LYPD1: variants seen among roughly 807,000 people sequenced by gnomAD.
LYPD1 encodes the protein LY6/PLAUR domain containing 1.
Under a neutral mutation model 14.2 loss-of-function variants are expected in LYPD1, and 14 were observed. The ratio of observed to expected loss-of-function variants is 0.99; its 90% CI spans 0.65 to 1.54. The LOEUF is 1.54. LYPD1 is among the 40% of genes most tolerant of loss of function. LYPD1 has a pLI of 0.00. For missense variants in LYPD1, 165 were observed against 175.7 expected, an observed-to-expected ratio of 0.94 and a Z score of 0.34; for synonymous variants, 85 against 70.6, an observed-to-expected ratio of 1.20 and a Z score of -1.02.
rs528919708 is a variant in LYPD1 at position 132,652,071 on chromosome 2, T to G, written c.191-5791A>C. Among the ~76,000 whole-genome samples, 303 of 152,126 alleles carry G rather than the reference T, an allele frequency of 2.0e-3. 2 individuals are homozygous for G. The highest frequency in any genetic ancestry group is 6.2e-3 in the African/African-American group (259 of 41,520). On this transcript the variant is annotated intron_variant, in intron 2 of 2. Coordinates refer to ENST00000397463, the MANE Select transcript of LYPD1 (RefSeq NM_144586.7). ...GGCCTCAGAAACCACCACTGCCGGG[T>G]TAGGGTAGGAGAAGGTCATGACCAA... is the stretch of plus-strand genomic sequence containing the variant.
chr2:132,657,366 G>A (rs183155033), intron 2 of LYPD1, among the ~76,000 whole-genome samples: 2 of 152,282 alleles, frequency 1.3e-5, no homozygotes, highest in East Asian at 3.9e-4. Flanking sequence ...TATTATCTCA[G>A]TATTAACAGT....
Position 132,643,421 on chromosome 2 carries a change from G to C in LYPD1, c.*2624C>G, listed in dbSNP as rs749534965. On this transcript the variant is annotated 3_prime_UTR_variant, in exon 3 of 3. Coordinates refer to ENST00000397463, the MANE Select transcript of LYPD1 (RefSeq NM_144586.7). ...TTTGTGGAGGATTTGAACACAGCTA[G>C]GGTCCCCTCCAACAGCAGGCAAGGA... is the stretch of plus-strand genomic sequence containing the variant. Among the ~76,000 whole-genome samples the C allele has an allele frequency of 7.8e-4, 119 of 152,194 alleles. 1 individual carries two copies. The highest frequency in any genetic ancestry group is 1.6e-3 in the Non-Finnish European group (106 of 68,034).
intron 2 of LYPD1, among the ~76,000 whole-genome samples, chr2:132,665,492 T>C (rs770431984): frequency 9.2e-5 from 14 of 152,300 alleles, no homozygotes; most frequent in Non-Finnish European, 1.6e-4. Context: ...TTGGTGGATA[T>C]GAAAAATGGC....
chr2:132,667,568 A>G (rs1156311031), intron 2 of LYPD1, among the ~76,000 whole-genome samples: 1 of 152,180 alleles, frequency 6.6e-6, no homozygotes, highest in African/African-American at 2.4e-5. Context: ...AAGTTATGCT[A>G]TTTCCCATCC....
chr2:132,645,010 G>C lies in LYPD1; in HGVS notation c.*1035C>G. 1 of 1,427,974 alleles carries C rather than the reference G, an allele frequency of 7.0e-7. No individual in the cohort carries two copies. The highest frequency in any genetic ancestry group is 2.3e-5 in the East Asian group (1 of 43,382). The allele number at this position is 1,427,974 out of a possible 1,614,324, so 88.5% of individuals were successfully genotyped here. ...CTGGCCAGTAAGCACAGAACAGAGGGGCTAAATATTTTATGGTTTTATTCA... is the reference window on the plus strand; with the variant it reads ...CTGGCCAGTAAGCACAGAACAGAGGCGCTAAATATTTTATGGTTTTATTCA... On this transcript the variant is annotated 3_prime_UTR_variant, in exon 3 of 3. Transcript: ENST00000397463.
At chr2:132,648,566 C>G (rs1305664446) in intron 2 of LYPD1, among the ~76,000 whole-genome samples, 3 of 152,180 alleles carry the variant, frequency 2.0e-5, no homozygotes, top group Non-Finnish European at 4.4e-5. Flanking sequence ...GCGAACTTTG[C>G]AGGGTTAAGG....
chr2:132,655,750 G>A (rs1053000432), intron 2 of LYPD1, among the ~76,000 whole-genome samples: 19 of 152,106 alleles, frequency 1.2e-4, no homozygotes, highest in Middle Eastern at 6.8e-3. Context: ...TCCTGACCTC[G>A]TGATCCGCCC....
At chr2:132,662,856 G>A (rs1683036631) in intron 2 of LYPD1, among the ~76,000 whole-genome samples, 1 of 152,164 alleles carries the variant, frequency 6.6e-6, no homozygotes, top group African/African-American at 2.4e-5. Flanking sequence ...TAGTGTTATG[G>A]GAGAGCTGGA....
chr2:132,669,697 G>T lies in LYPD1; in HGVS notation c.52+184C>A. The T allele has an allele frequency of 5.5e-6, 7 of 1,271,760 alleles. No individual in the cohort carries two copies. Among genetic ancestry groups the T allele is most frequent in the Non-Finnish European group, 7.3e-6 (7 of 961,804 alleles). The allele number at this position is 1,271,760 out of a possible 1,614,324, so 78.8% of individuals were successfully genotyped here. A position where few individuals can be genotyped will look rare whatever the true frequency, so the allele number is the denominator to read the frequency against. Reference sequence around the variant, plus strand: ...ACCCGCCGCTCCCCGCTCTCCTCCTGCAGCGCGGGACTTGGACACTTTCCC... The same window carrying T: ...ACCCGCCGCTCCCCGCTCTCCTCCTTCAGCGCGGGACTTGGACACTTTCCC... On this transcript the variant is annotated intron_variant, in intron 1 of 2. Transcript: ENST00000397463. The surrounding 1 kb of genome is among the most constrained non-coding windows in gnomAD (Gnocchi z 4.3).
rs1682337370 is a variant in LYPD1, at chr2:132,650,868, G to A, written c.191-4588C>T. 2.0e-5 allele frequency among the ~76,000 whole-genome samples: 3 copies of A among 152,144 alleles called. 1 individual carries two copies. In the South Asian group the frequency reaches 6.2e-4, roughly 32 times the overall value. ...TCCTCATTTTGCAAGTGGGGAAACT[G>A]AGGCAAAAATAGGGTAGGTAATTTG... On this transcript the variant is annotated intron_variant, in intron 2 of 2. Transcript: ENST00000397463.
At chr2:132,664,769 T>C (rs1165944205) in intron 2 of LYPD1, among the ~76,000 whole-genome samples, 1 of 152,218 alleles carries the variant, frequency 6.6e-6, no homozygotes, top group South Asian at 2.1e-4. Flanking sequence ...AATTACAAGA[T>C]TGCACTGTCA....
rs767809161 is a variant in LYPD1 at position 132,645,508 on chromosome 2, A to G, written c.*537T>C. On this transcript the variant is annotated 3_prime_UTR_variant, in exon 3 of 3. Coordinates refer to ENST00000397463, the MANE Select transcript of LYPD1 (RefSeq NM_144586.7). ...TCAGAGCGAGGCCGAGCCCCAGTCT[A>G]AGTCCCAGTCATTGAGTCTCGAGTC... 2 of 1,607,036 alleles carry G rather than the reference A, an allele frequency of 1.2e-6. No individual in the cohort carries two copies. Among genetic ancestry groups the G allele is most frequent in the Non-Finnish European group, 1.7e-6 (2 of 1,179,812 alleles).
At chr2:132,648,048 G>A (rs1573724832) in intron 2 of LYPD1, among the ~76,000 whole-genome samples, 2 of 152,142 alleles carry the variant, frequency 1.3e-5, no homozygotes, top group Admixed American at 6.5e-5. Context: ...AGATAAAGTC[G>A]AGGTACAGAG....
chr2:132,654,044 C>T (rs1682454309), intron 2 of LYPD1, among the ~76,000 whole-genome samples: 1 of 152,136 alleles, frequency 6.6e-6, no homozygotes, highest in South Asian at 2.1e-4. Flanking sequence ...AAAGGCAAAA[C>T]TGTGGGAATC....
chr2:132,670,085 G>T lies in LYPD1; in HGVS notation c.-153C>A. 6.8e-7 allele frequency: 1 copy of T among 1,479,264 alleles called. No homozygotes were observed. Among genetic ancestry groups the T allele is most frequent in the South Asian group, 1.3e-5 (1 of 76,998 alleles). 91.6% of individuals were successfully genotyped at this position (1,479,264 alleles called of 1,614,324 possible). ...ACGGTCGTAGCTTAGAGGAGCCGCA[G>T]GTGCCGCTCGCGGAGCCTGCATCGC... On this transcript the variant is annotated 5_prime_UTR_variant, in exon 1 of 3. It adds an upstream start codon to the 5' untranslated region. Transcript: ENST00000397463. This position sits in a 1 kb window ranked among gnomAD's most constrained non-coding sequence, Gnocchi z 4.5.
At chr2:132,663,361 C>A (rs377257609) in intron 2 of LYPD1, among the ~76,000 whole-genome samples, 6 of 152,314 alleles carry the variant, frequency 3.9e-5, no homozygotes, top group Admixed American at 6.5e-5. Flanking sequence ...ACAACCTCCA[C>A]CTCCCGGGTT....
chr2:132,663,626 T>C (rs1040405309), intron 2 of LYPD1, among the ~76,000 whole-genome samples: 2 of 152,220 alleles, frequency 1.3e-5, no homozygotes, highest in African/African-American at 4.8e-5. Flanking sequence ...AAAAATAGAA[T>C]GTGGAACTTT....
intron 2 of LYPD1, among the ~76,000 whole-genome samples, chr2:132,654,634 T>C (rs1473733119): frequency 6.6e-6 from 1 of 152,214 alleles, no homozygotes; most frequent in African/African-American, 2.4e-5. Flanking sequence ...GTTTTCATTG[T>C]GATGGGAAGA....
chr2:132,670,414 A>G (rs1295822717), upstream of LYPD1, among the ~76,000 whole-genome samples: 1 of 151,992 alleles, frequency 6.6e-6, no homozygotes, highest in Non-Finnish European at 1.5e-5. The surrounding 1 kb of genome is among the most constrained non-coding windows in gnomAD (Gnocchi z 4.5). Flanking sequence ...GCGGGAGAGA[A>G]CTGGTAGTTT....
Sources: allele counts gnomAD v4.1 joint callset (sites outside exome capture counted in the v4.1 genomes callset), GRCh38; gene constraint gnomAD v4.1.1; non-coding constraint Gnocchi (gnomAD v3.1); transcripts MANE v1.5; gene names NCBI Gene and HGNC (gene_info 2026-07-23, HGNC 2026-07-21).